PCNX2: variants seen among roughly 807,000 people sequenced by gnomAD.
PCNX2 encodes the protein pecanex-like protein 2.
Under a neutral mutation model 223.8 loss-of-function variants are expected in PCNX2, and 168 were observed. That is an observed-to-expected ratio of 0.75 (90% CI 0.66 to 0.85). The LOEUF (loss-of-function observed/expected upper bound fraction) is 0.85. Ranked by LOEUF, PCNX2 falls within the 40% of genes least tolerant of loss-of-function variation. PCNX2 has a pLI of 0.00. For synonymous variants in PCNX2, 1,006 were observed against 1,052.6 expected (o/e 0.96, Z 0.86); for missense variants, 2,507 against 2,675.5 (o/e 0.94, Z 1.39).
chr1:233,259,290 C>A lies in PCNX2; in HGVS notation c.572G>T (p.Gly191Val), dbSNP rs758118854. 5.0e-6 allele frequency: 8 copies of A among 1,613,708 alleles called. No individual in the cohort carries two copies. Among genetic ancestry groups the A allele is most frequent in the Non-Finnish European group, 6.8e-6 (8 of 1,179,862 alleles). ...PIAPVSSTSP[G>V]IKVESLPASQ... ...CGCAGGTAAGCTTTCCACTTTGATA[C>A]CAGGTGAGGTAGATGACACTGGTGC... Residue 191 changes from glycine (G) to valine (V), a missense_variant, in exon 5 of 34, where the codon GGT (glycine) becomes GTT (valine). Coordinates refer to ENST00000258229, the MANE Select transcript of PCNX2 (RefSeq NM_014801.4).
the PCNX2 span, among the ~76,000 whole-genome samples, chr1:233,303,914 A>T: frequency 6.6e-6 from 1 of 152,014 alleles, no homozygotes; most frequent in Non-Finnish European, 1.5e-5. Context: ...TATAGTTGGG[A>T]TACAGTTTTT....
Position 233,241,143 on chromosome 1 carries a change from A to T in PCNX2, c.2223-4163T>A, listed in dbSNP as rs1658737011. The T allele has an allele frequency of 6.1e-6, 6 of 975,870 alleles. No individual in the cohort carries two copies. In the South Asian group the frequency reaches 2.8e-4, roughly 46 times the overall value. 60.5% of individuals were successfully genotyped at this position (975,870 alleles called of 1,614,324 possible). ...CTGAAAACCATAACCTGTTATTTTGAATTTTAACAGGGATTCTTGTTCAAT... is the reference window on the plus strand; with the variant it reads ...CTGAAAACCATAACCTGTTATTTTGTATTTTAACAGGGATTCTTGTTCAAT... On this transcript the variant is annotated intron_variant, in intron 8 of 33. Transcript: ENST00000258229.
chr1:233,319,299 G>A, the PCNX2 span, among the ~76,000 whole-genome samples: 1 of 152,126 alleles, frequency 6.6e-6, no homozygotes, highest in African/African-American at 2.4e-5. Flanking sequence ...CAATTCCCGT[G>A]GCAACTTTTT....
chr1:233,161,425 C>G (rs531085520), intron 17 of PCNX2, 62 bp from the exon 18 acceptor site: 1 of 1,408,260 alleles, frequency 7.1e-7, no homozygotes, highest in African/African-American at 1.4e-5. Flanking sequence ...TCTGTGTAAC[C>G]AGGTAAATCA....
rs544488841 is a variant in PCNX2, at chr1:233,153,932, G to C, written c.3517+6351C>G. Among the ~76,000 whole-genome samples, 183 of 152,270 alleles carry C rather than the reference G, an allele frequency of 1.2e-3. 1 individual carries two copies. The highest frequency in any genetic ancestry group is 4.3e-3 in the African/African-American group (178 of 41,558). On this transcript the variant is annotated intron_variant, in intron 19 of 33. Coordinates refer to ENST00000258229, the MANE Select transcript of PCNX2 (RefSeq NM_014801.4). The stretch of plus-strand genomic sequence containing the variant: ...GCATCACATAGAAACTAGTCTATCT[G>C]TAAACTGAGAGACAAGATTTGCTAA...
chr1:233,256,802 C>T (rs533413525), intron 5 of PCNX2, among the ~76,000 whole-genome samples: 13 of 152,150 alleles, frequency 8.5e-5, no homozygotes, highest in South Asian at 8.3e-4. Context: ...CTTTATATAC[C>T]GCCCTGTCTG....
chr1:233,080,383 C>CAT (rs1246260024), intron 23 of PCNX2, among the ~76,000 whole-genome samples: 1 of 144,600 alleles, frequency 6.9e-6, no homozygotes, highest in Non-Finnish European at 1.5e-5. Context: ...CATTTTCATC[C>CAT]ATACACACAC....
intron 22 of PCNX2, among the ~76,000 whole-genome samples, chr1:233,093,412 C>T (rs1267661135): frequency 6.6e-6 from 1 of 152,168 alleles, no homozygotes; most frequent in East Asian, 1.9e-4. Context: ...CAAAACAGAG[C>T]AAATTAGTCC....
intron 21 of PCNX2, among the ~76,000 whole-genome samples, chr1:233,110,213 A>C (rs1363314395): frequency 6.6e-6 from 1 of 152,260 alleles, no homozygotes; most frequent in Admixed American, 6.5e-5. Context: ...GAAACAAAAG[A>C]CATATATTCA....
chr1:233,056,234 A>G (rs1239988912), intron 24 of PCNX2, among the ~76,000 whole-genome samples: 6 of 152,232 alleles, frequency 3.9e-5, no homozygotes, highest in Admixed American at 3.9e-4. Context: ...CTTTGAAAGG[A>G]AAGGCCTGAA....
chr1:233,000,682 C>G lies in PCNX2; in HGVS notation c.5098-147G>C, dbSNP rs974221253. 4 of 665,598 alleles carry G rather than the reference C, an allele frequency of 6.0e-6. No individual in the cohort carries two copies. 41.2% of individuals were successfully genotyped at this position (665,598 alleles called of 1,614,324 possible). ...TCCTGTTCTTTTTCCAAATCCTGAGCTCGGCACAGAGGACACCTCTTTATC... is the reference window on the plus strand; with the variant it reads ...TCCTGTTCTTTTTCCAAATCCTGAGGTCGGCACAGAGGACACCTCTTTATC... On this transcript the variant is annotated intron_variant, in intron 29 of 33. Transcript: ENST00000258229. The surrounding 1 kb of genome is among the most constrained non-coding windows in gnomAD (Gnocchi z 4.6).
chr1:233,250,928 T>C, intron 7 of PCNX2, 96 bp from the exon 8 acceptor site: 1 of 1,340,192 alleles, frequency 7.5e-7, no homozygotes, highest in Non-Finnish European at 1.0e-6. Flanking sequence ...GGAAACTTAT[T>C]TTGGTCTGTT....
intron 32 of PCNX2, among the ~76,000 whole-genome samples, chr1:232,992,355 T>G (rs568160984): frequency 6.6e-6 from 1 of 152,214 alleles, no homozygotes; most frequent in East Asian, 1.9e-4. Flanking sequence ...CAGCTTTGCC[T>G]GCTCGTGGGG....
intron 21 of PCNX2, among the ~76,000 whole-genome samples, chr1:233,097,545 G>C (rs1017451685): frequency 6.6e-5 from 10 of 152,172 alleles, no homozygotes; most frequent in African/African-American, 2.4e-4. Flanking sequence ...TTTCAGAAAG[G>C]CCACTTTTGT....
At position 232,989,848 on chromosome 1, in the gene PCNX2, C is replaced by T. The variant is rs1233289631; in HGVS notation, c.5792-3308G>A. 2.0e-5 allele frequency among the ~76,000 whole-genome samples: 3 copies of T among 152,320 alleles called. No homozygotes were observed. In the East Asian group the frequency reaches 5.8e-4, roughly 29 times the overall value. ...CAATATCTTGACTAGAGGCTGAGAC[C>T]CATAGGCAAGCGCCTGTAGATGGGC... On this transcript the variant is annotated intron_variant, in intron 32 of 33. Transcript: ENST00000258229.
At chr1:233,286,170 G>C (rs1661434902) in intron 1 of PCNX2, among the ~76,000 whole-genome samples, 1 of 152,158 alleles carries the variant, frequency 6.6e-6, no homozygotes, top group African/African-American at 2.4e-5. Context: ...TTTTGGAAAG[G>C]CCTGCTGGTG....
At chr1:233,299,648 G>A (rs990436723), upstream of PCNX2, among the ~76,000 whole-genome samples, 2 of 152,174 alleles carry the variant, frequency 1.3e-5, no homozygotes, top group African/African-American at 2.4e-5. Flanking sequence ...GACCTGCAGC[G>A]GCCACAGGTG....
At chr1:233,022,170 G>A (rs1670912651) in intron 26 of PCNX2, among the ~76,000 whole-genome samples, 2 of 152,140 alleles carry the variant, frequency 1.3e-5, no homozygotes, top group South Asian at 2.1e-4. Flanking sequence ...CCCACTACTC[G>A]TGCCTGCAGC....
At chr1:233,113,082 A>C in intron 21 of PCNX2, 1 of 1,163,486 alleles carries the variant, frequency 8.6e-7, no homozygotes, top group Non-Finnish European at 1.1e-6. Flanking sequence ...GAATGCAGCC[A>C]CAGGCTGTGG....
Sources: gnomAD v4.1 joint callset for allele counts (sites outside exome capture counted in the v4.1 genomes callset) on GRCh38, gnomAD v4.1.1 for gene constraint, Gnocchi (gnomAD v3.1) non-coding constraint, MANE v1.5 for transcripts, NCBI Gene and HGNC (gene_info 2026-07-23, HGNC 2026-07-21) for gene names.